EFHC1: variants seen among roughly 807,000 people sequenced by gnomAD.
EFHC1 encodes the protein EF-hand domain containing 1.
In EFHC1, 53 loss-of-function variants were observed where a neutral mutation model predicts 69.9. That is an observed-to-expected ratio of 0.76 (90% CI 0.61 to 0.95). The LOEUF is 0.95. EFHC1 is among the 40% of genes least tolerant of loss of function. The probability of loss-of-function intolerance (pLI) is 0.00; values close to 1 mark genes in which losing one functional copy is unlikely to be tolerated. For synonymous variants in EFHC1, 256 were observed against 278.4 expected, an observed-to-expected ratio of 0.92 and a Z score of 0.80; for missense variants, 739 against 798.7, an observed-to-expected ratio of 0.93 and a Z score of 0.90.
intron 1 of EFHC1, among the ~76,000 whole-genome samples, chr6:52,421,973 A>G (rs754617272): frequency 2.4e-4 from 37 of 152,260 alleles, no homozygotes; most frequent in Non-Finnish European, 5.0e-4. Flanking sequence ...GACATATTTC[A>G]GATTTTAAAT....
chr6:52,445,879 T>A (rs1764773386), intron 3 of EFHC1, among the ~76,000 whole-genome samples: 1 of 152,214 alleles, frequency 6.6e-6, no homozygotes, highest in Non-Finnish European at 1.5e-5. Context: ...TTTGAGTGAG[T>A]TTCTTAATCC....
chr6:52,471,192 C>A lies in EFHC1; in HGVS notation c.1278+1719C>A, dbSNP rs930109400. On this transcript the variant is annotated intron_variant, in intron 7 of 10. Transcript: ENST00000371068. ...CACCTGTGAGGACAAACATTGGAAT[C>A]TATTTAGGGCCTGTCAAAGGCAGAA... is the stretch of plus-strand genomic sequence containing the variant. 3.3e-5 allele frequency among the ~76,000 whole-genome samples: 5 copies of A among 152,190 alleles called. No homozygotes were observed. In the East Asian group the frequency reaches 9.6e-4, roughly 29 times the overall value.
chr6:52,470,114 A>G lies in EFHC1; in HGVS notation c.1278+641A>G, dbSNP rs114479200. On this transcript the variant is annotated intron_variant, in intron 7 of 10. Transcript: ENST00000371068. Reference sequence around the variant, plus strand: ...CAGAAGTTGAAATAAGTTATATCTCAGAATAGGAATTAGGAGCTGGGGGTA... The same window carrying G: ...CAGAAGTTGAAATAAGTTATATCTCGGAATAGGAATTAGGAGCTGGGGGTA... Among the ~76,000 whole-genome samples the G allele has an allele frequency of 5.6e-3, 846 of 152,294 alleles. 8 individuals carry two copies. The highest frequency in any genetic ancestry group is 0.019 in the African/African-American group (797 of 41,560).
intron 7 of EFHC1, among the ~76,000 whole-genome samples, chr6:52,474,332 A>G (rs1330531474): frequency 6.6e-6 from 1 of 152,136 alleles, no homozygotes. Flanking sequence ...TACATATGAG[A>G]AGTTGCTTAG....
In EFHC1 at chr6:52,479,061, G is replaced by A. The variant is rs968783918; in HGVS notation, c.1303G>A (p.Asp435Asn). 1 of 1,613,822 alleles carries A rather than the reference G, an allele frequency of 6.2e-7. No individual in the cohort carries two copies. Among genetic ancestry groups the A allele is most frequent in the African/African-American group, 1.3e-5 (1 of 74,908 alleles). The change falls in exon 8 of 11, where the codon GAC becomes AAC. Residue 435 changes from aspartate to asparagine, a missense_variant. Coordinates refer to ENST00000371068, the MANE Select transcript of EFHC1 (RefSeq NM_018100.4). ...VLESPIPEDK[D>N]RRFVFSYFLA... ...GGAATCCCCCATCCCAGAAGACAAA[G>A]ACCGCAGATTTGTCTTCTCTTACTT...
chr6:52,468,508 G>A (rs575435004), intron 6 of EFHC1: 1 of 152,288 alleles, frequency 6.6e-6, no homozygotes, highest in African/African-American at 2.4e-5. Flanking sequence ...AAGGCCCAGA[G>A]GCTTTATAGC....
At chr6:52,420,967 A>C (rs1581807344) in intron 1 of EFHC1, 4 of 1,027,622 alleles carry the variant, frequency 3.9e-6, no homozygotes, top group African/African-American at 3.5e-5. Flanking sequence ...TTCCCGCCCC[A>C]CCTCTTCCTC....
At chr6:52,461,469 A>G (rs1765165347) in intron 5 of EFHC1, among the ~76,000 whole-genome samples, 1 of 152,098 alleles carries the variant, frequency 6.6e-6, no homozygotes. Context: ...TCAATCTGTC[A>G]TTGATGGGCA....
chr6:52,495,557 T>A lies in EFHC1; in HGVS notation c.*3216T>A. On this transcript the variant is annotated 3_prime_UTR_variant, in exon 11 of 11. Coordinates refer to ENST00000371068, the MANE Select transcript of EFHC1 (RefSeq NM_018100.4). ...AGATTTAGGAAAGTCTCATTTAGCA[T>A]CCTCTAGCCTGCTTTTGGCTGTTTT... The A allele has an allele frequency of 2.2e-6, 1 of 454,130 alleles. No individual in the cohort carries two copies. The allele number at this position is 454,130 out of a possible 1,614,324, so 28.1% of individuals were successfully genotyped here. A position where few individuals can be genotyped will look rare whatever the true frequency, so the allele number is the denominator to read the frequency against.
chr6:52,459,307 T>C lies in EFHC1; in HGVS notation c.916+5020T>C, dbSNP rs1232406284. 2.6e-5 allele frequency among the ~76,000 whole-genome samples: 4 copies of C among 152,186 alleles called. No homozygotes were observed. In the East Asian group the frequency reaches 5.8e-4, roughly 22 times the overall value. On this transcript the variant is annotated intron_variant, in intron 5 of 10. Coordinates refer to ENST00000371068, the MANE Select transcript of EFHC1 (RefSeq NM_018100.4). ...GAAAAGCTAAAGATTGGGAAAAATA[T>C]TTGTAAAACATATTTGAGAAGGTAC...
chr6:52,454,427 A>G (rs1764994165), intron 5 of EFHC1, 140 bp downstream of exon 5: 1 of 1,017,190 alleles, frequency 9.8e-7, no homozygotes. Context: ...ATGGCTTCCC[A>G]CAGCTTTCCT....
At chr6:52,448,871 G>T (rs189902282) in intron 3 of EFHC1, among the ~76,000 whole-genome samples, 1 of 152,292 alleles carries the variant, frequency 6.6e-6, no homozygotes, top group Non-Finnish European at 1.5e-5. Flanking sequence ...AAGCCTACTT[G>T]ATTGTGGTGG....
At chr6:52,478,881 A>G (rs1318291026) in intron 7 of EFHC1, among the ~76,000 whole-genome samples, 156 bp from the exon 8 acceptor site, 2 of 152,224 alleles carry the variant, frequency 1.3e-5, no homozygotes, top group African/African-American at 4.8e-5. Context: ...TGTTCTTCCC[A>G]GAGACACCAG....
chr6:52,435,946 A>G (rs1764522739), intron 2 of EFHC1, among the ~76,000 whole-genome samples: 1 of 152,232 alleles, frequency 6.6e-6, no homozygotes. Flanking sequence ...GTGAGTTAAT[A>G]GTCTGAATTT....
rs752642262 is a variant in EFHC1 at position 52,479,045 on chromosome 6, C to CA, written c.1288dup (p.Ile430AsnfsTer24). 6 of 1,613,520 alleles carry CA rather than the reference C, an allele frequency of 3.7e-6. No homozygotes were observed. The East Asian group carries it at 1.1e-4, about 30-fold the overall frequency. On this transcript the variant is annotated frameshift_variant, in exon 8 of 11. Coordinates refer to ENST00000371068, the MANE Select transcript of EFHC1 (RefSeq NM_018100.4). LOFTEE classifies it high-confidence loss of function. ...TTTCTTCACCTTTGTAGGAATCCCC[C>CA]ATCCCAGAAGACAAAGACCGCAGAT...
intron 7 of EFHC1, among the ~76,000 whole-genome samples, chr6:52,474,777 A>G (rs1765510639): frequency 6.6e-6 from 1 of 152,236 alleles, no homozygotes; most frequent in African/African-American, 2.4e-5. Context: ...ATTCATTTAT[A>G]TGAAGATTAA....
rs371862270 is a variant in EFHC1 at position 52,469,477 on chromosome 6, A to G, written c.1278+4A>G. 1 of 1,613,578 alleles carries G rather than the reference A, an allele frequency of 6.2e-7. No homozygotes were observed. Among genetic ancestry groups the G allele is most frequent in the African/African-American group, 1.3e-5 (1 of 74,918 alleles). ...GCTTCGTTATTTGGCTGTACTGGTG[A>G]GGCTAATTTTTATATACTAAAGATT... On this transcript the variant is annotated splice_donor_region_variant and intron_variant, in intron 7 of 10. Coordinates refer to ENST00000371068, the MANE Select transcript of EFHC1 (RefSeq NM_018100.4).
chr6:52,472,177 A>AT (rs1188359223), intron 7 of EFHC1, among the ~76,000 whole-genome samples: 1 of 152,010 alleles, frequency 6.6e-6, no homozygotes, highest in African/African-American at 2.4e-5. Context: ...AAAACTTTTA[A>AT]TAAAAAAAAA....
chr6:52,458,375 A>C (rs1178275426), intron 5 of EFHC1, among the ~76,000 whole-genome samples: 1 of 152,244 alleles, frequency 6.6e-6, no homozygotes, highest in Non-Finnish European at 1.5e-5. Context: ...AACAGCCTAC[A>C]GAATGGGAGA....
Sources: gnomAD v4.1 joint callset for allele counts (sites outside exome capture counted in the v4.1 genomes callset) on GRCh38, gnomAD v4.1.1 for gene constraint, MANE v1.5 for transcripts, NCBI Gene and HGNC (gene_info 2026-07-23, HGNC 2026-07-21) for gene names.